The following ELMO1 variants were observed in gnomAD, a reference collection of about 807,000 sequenced individuals.
ELMO1 encodes engulfment and cell motility protein 1.
Under a neutral mutation model 98.9 loss-of-function variants are expected in ELMO1, and 26 were observed. That is an observed-to-expected ratio of 0.26 (90% CI 0.19 to 0.36). The LOEUF is 0.36. Among genes scored for constraint, ELMO1 ranks in the 10% least tolerant of loss-of-function variants. The pLI is 1.00. For missense variants in ELMO1, 627 were observed against 935.2 expected (o/e 0.67, Z 4.30); for synonymous variants, 346 against 346.0 (o/e 1.00, Z 0.00).
chr7:37,058,082 G>A (rs1230656644), intron 15 of ELMO1, among the ~76,000 whole-genome samples: 1 of 152,230 alleles, frequency 6.6e-6, no homozygotes, highest in African/African-American at 2.4e-5. Context: ...ACAGAGGTAA[G>A]TGCATGCATG....
rs565421716 is a variant in ELMO1 at position 37,321,716 on chromosome 7, C to CAAAAAAAAAAAAA, written c.79-5769_79-5757dup. Among the ~76,000 whole-genome samples, 358 of 66,010 alleles carry CAAAAAAAAAAAAA rather than the reference C, an allele frequency of 5.4e-3. 7 individuals are homozygous for CAAAAAAAAAAAAA. Among genetic ancestry groups the CAAAAAAAAAAAAA allele is most frequent in the Middle Eastern group, 0.019 (2 of 108 alleles). The allele number at this position is 66,010 out of a possible 152,430, so 43.3% of individuals were successfully genotyped here. A position where few individuals can be genotyped will look rare whatever the true frequency, so the allele number is the denominator to read the frequency against. On this transcript the variant is annotated intron_variant, in intron 2 of 21. Coordinates refer to ENST00000310758, the MANE Select transcript of ELMO1 (RefSeq NM_014800.11). ...TGGGCAACAGAGCGAGACTCCGTCT[C>CAAAAAAAAAAAAA]AAAAAAAAAAAAAAAAAAAAAACAC...
intron 1 of ELMO1, among the ~76,000 whole-genome samples, chr7:37,373,740 C>T (rs995597419): frequency 4.2e-4 from 64 of 152,136 alleles, no homozygotes; most frequent in African/African-American, 1.5e-3. Context: ...AATTTGCACT[C>T]ACTTTAAACC....
At chr7:36,918,940 G>C (rs1284857480) in intron 16 of ELMO1, among the ~76,000 whole-genome samples, 4 of 151,914 alleles carry the variant, frequency 2.6e-5, no homozygotes, top group African/African-American at 9.7e-5. Context: ...CCCATAGCAA[G>C]AGAGTTAATC....
intron 4 of ELMO1, among the ~76,000 whole-genome samples, chr7:37,302,290 AGGCTATGTCT>A (rs1361272327): frequency 5.3e-5 from 8 of 152,212 alleles, no homozygotes; most frequent in Admixed American, 2.6e-4. Context: ...GCCATGCACC[AGGCTATGTCT>A]CATCCCCTCT....
chr7:37,148,743 A>G (rs778535279), intron 13 of ELMO1, among the ~76,000 whole-genome samples: 7 of 152,206 alleles, frequency 4.6e-5, no homozygotes, highest in Non-Finnish European at 8.8e-5. Flanking sequence ...AACAATCCAG[A>G]TATCATGGCT....
chr7:37,016,001 A>G (rs1206770485), intron 15 of ELMO1, among the ~76,000 whole-genome samples: 1 of 152,212 alleles, frequency 6.6e-6, no homozygotes, highest in Non-Finnish European at 1.5e-5. Context: ...CTGGGCAATG[A>G]GCGGTTGGTC....
chr7:37,025,721 T>A (rs560134877), intron 15 of ELMO1, among the ~76,000 whole-genome samples: 16 of 152,134 alleles, frequency 1.1e-4, no homozygotes, highest in African/African-American at 3.9e-4. Flanking sequence ...CTCTTCTGGG[T>A]CTCCAGCTTT....
At chr7:37,434,174 G>C (rs991039304) in intron 1 of ELMO1, among the ~76,000 whole-genome samples, 2 of 152,188 alleles carry the variant, frequency 1.3e-5, no homozygotes, top group Non-Finnish European at 2.9e-5. Context: ...GCGATAAGGA[G>C]GTTCCATCCT....
intron 21 of ELMO1, among the ~76,000 whole-genome samples, chr7:36,861,382 G>A (rs751079258): frequency 8.5e-5 from 13 of 152,086 alleles, no homozygotes; most frequent in South Asian, 8.3e-4. Context: ...AACCAGGGCC[G>A]CTTCTTTCTC....
intron 18 of ELMO1, among the ~76,000 whole-genome samples, chr7:36,882,179 A>T (rs1804522411): frequency 6.6e-6 from 1 of 152,246 alleles, no homozygotes; most frequent in South Asian, 2.1e-4. Flanking sequence ...GGGGGCCCTA[A>T]GAGTCCTGTA....
intron 4 of ELMO1, among the ~76,000 whole-genome samples, chr7:37,287,821 T>A (rs1344519013): frequency 1.3e-5 from 2 of 152,220 alleles, no homozygotes; most frequent in Admixed American, 6.5e-5. Context: ...CAGCTCACTA[T>A]CCTGTTCCCT....
rs567862948 is a variant in ELMO1, at chr7:37,322,354, G to C, written c.79-6394C>G. Among the ~76,000 whole-genome samples the C allele has an allele frequency of 2.0e-5, 3 of 152,126 alleles. No homozygotes were observed. The East Asian group carries it at 5.9e-4, about 30-fold the overall frequency. Reference sequence around the variant, plus strand: ...TTAAAGGCTGGATGTGGTGGCTCACGCCTGTAATCCCAGCACATTGGGAGG... The same window carrying C: ...TTAAAGGCTGGATGTGGTGGCTCACCCCTGTAATCCCAGCACATTGGGAGG... On this transcript the variant is annotated intron_variant, in intron 2 of 21. Transcript: ENST00000310758.
At chr7:36,986,349 AT>A in intron 16 of ELMO1, 1 of 773,600 alleles carries the variant, frequency 1.3e-6, no homozygotes, top group Non-Finnish European at 1.6e-6. Context: ...CTTCGTTTCT[AT>A]TTTAGTGTCC....
Position 36,965,511 on chromosome 7 carries a change from C to G in ELMO1, c.1437+47788G>C, listed in dbSNP as rs867828517. ...TAAGGGGAATTGCCGAGATGCTCAA[C>G]CTGGTTTCCCTCAGAGTTGCCCTTT... is the stretch of plus-strand genomic sequence containing the variant. On this transcript the variant is annotated intron_variant, in intron 16 of 21. Transcript: ENST00000310758. Among the ~76,000 whole-genome samples, 14 of 152,146 alleles carry G rather than the reference C, an allele frequency of 9.2e-5. 1 individual carries two copies. The highest frequency in any genetic ancestry group is 3.4e-4 in the African/African-American group (14 of 41,432).
intron 19 of ELMO1, among the ~76,000 whole-genome samples, chr7:36,875,597 C>T (rs1803890021): frequency 6.6e-6 from 1 of 152,200 alleles, no homozygotes; most frequent in Admixed American, 6.5e-5. Flanking sequence ...AAGAACCAGC[C>T]TTGCTCAGTG....
At chr7:37,349,976 C>CA (rs1801184576) in intron 1 of ELMO1, among the ~76,000 whole-genome samples, 1 of 152,100 alleles carries the variant, frequency 6.6e-6, no homozygotes, top group African/African-American at 2.4e-5. Flanking sequence ...TATGAGTGTC[C>CA]AGGTTTGCTG....
chr7:37,233,223 A>G (rs201146518), intron 7 of ELMO1, 29 bp from the exon 8 acceptor site: 8 of 1,590,322 alleles, frequency 5.0e-6, no homozygotes, highest in Non-Finnish European at 6.0e-6. Flanking sequence ...CACAAGAGTC[A>G]AGAGCCCCAA....
At chr7:37,331,640 T>A (rs1301323326) in intron 2 of ELMO1, among the ~76,000 whole-genome samples, 1 of 152,094 alleles carries the variant, frequency 6.6e-6, no homozygotes, top group Non-Finnish European at 1.5e-5. Flanking sequence ...CACACACCGA[T>A]GTTTAAGCTC....
chr7:37,383,838 T>C (rs1292082726), intron 1 of ELMO1, among the ~76,000 whole-genome samples: 2 of 148,754 alleles, frequency 1.3e-5, no homozygotes, highest in African/African-American at 4.9e-5. Context: ...TTGTTTGAGA[T>C]GGAGTTTGGC....
Sources: allele counts gnomAD v4.1 joint callset (sites outside exome capture counted in the v4.1 genomes callset), GRCh38; gene constraint gnomAD v4.1.1; transcripts MANE v1.5; gene names NCBI Gene and HGNC (gene_info 2026-07-23, HGNC 2026-07-21).